Variants in PRUNE2 observed in about 807,000 individuals in gnomAD.
The protein encoded by PRUNE2 is prune homolog 2 with BCH domain, also known as protein prune homolog 2.
PRUNE2 carries 164 observed loss-of-function variants against 252.0 expected under a neutral mutation model. The observed-to-expected ratio is 0.65, with a 90% CI of 0.57 to 0.74. The LOEUF is 0.74. Among genes scored for constraint, PRUNE2 ranks in the 30% least tolerant of loss-of-function variants. PRUNE2 has a pLI of 0.00. For missense variants in PRUNE2, 3,495 were observed against 3,711.0 expected, an observed-to-expected ratio of 0.94 and a Z score of 1.51; for synonymous variants, 1,292 against 1,350.2, an observed-to-expected ratio of 0.96 and a Z score of 0.94.
At chr9:76,895,581 C>A (rs186867641) in intron 1 of PRUNE2, among the ~76,000 whole-genome samples, 6 of 152,164 alleles carry the variant, frequency 3.9e-5, no homozygotes, top group African/African-American at 1.2e-4. Flanking sequence ...GCTTATGCAC[C>A]ACACCTTTCT....
At chr9:76,742,846 A>C (rs2049765699) in intron 6 of PRUNE2, among the ~76,000 whole-genome samples, 1 of 152,340 alleles carries the variant, frequency 6.6e-6, no homozygotes, top group African/African-American at 2.4e-5. Flanking sequence ...AAAGGTCTAG[A>C]GCTGCTAAGG....
In PRUNE2 at chr9:76,789,368, G is replaced by T. The variant is rs374823742; in HGVS notation, c.756+34264C>A. 1.4e-4 allele frequency among the ~76,000 whole-genome samples: 21 copies of T among 152,236 alleles called. No homozygotes were observed. The South Asian group carries it at 2.1e-3, about 15-fold the overall frequency. ...AGGTTTTGACTTGCTGAAGTTTATG[G>T]CACTAGTAGATCATGGAGCCAAGAC... On this transcript the variant is annotated intron_variant, in intron 6 of 18. Transcript: ENST00000376718.
intron 12 of PRUNE2, 112 bp from the exon 13 acceptor site, chr9:76,638,400 T>C: frequency 1.4e-6 from 1 of 697,168 alleles, no homozygotes; most frequent in Non-Finnish European, 2.5e-6. Context: ...GTGGGTATAT[T>C]AGCAGCATGA....
chr9:76,713,641 G>A lies in PRUNE2; in HGVS notation c.837C>T (p.Phe279=). ...DKFGFDVLIL[F]SSYLSEEQQP... is the part of the protein sequence containing the mutation. ...GCTGCTCCTCTGACAGATAGCTGGA[G>A]AACAGGATGAGGACATCAAAACCAA... is the stretch of plus-strand genomic sequence containing the variant. The change falls in exon 7 of 19, where the codon TTC becomes TTT. Residue 279 remains phenylalanine, a synonymous_variant. Coordinates refer to ENST00000376718, the MANE Select transcript of PRUNE2 (RefSeq NM_015225.3). The A allele has an allele frequency of 2.5e-6, 4 of 1,602,114 alleles. No individual in the cohort carries two copies. Among genetic ancestry groups the A allele is most frequent in the Non-Finnish European group, 3.4e-6 (4 of 1,174,110 alleles).
At position 76,707,386 on chromosome 9, in the gene PRUNE2, C is replaced by G; in HGVS notation, c.4888G>C (p.Asp1630His). The part of the protein sequence containing the change: ...TFLEIWNDSV[D>H]GDSFSSLSSP... ...GATAAAGAGGAAAAGGAATCACCAT[C>G]AACTGAGTCATTCCAGATCTCTAAA... The change falls in exon 8 of 19, where the codon GAT becomes CAT. Residue 1630 changes from aspartate to histidine, a missense_variant. Coordinates refer to ENST00000376718, the MANE Select transcript of PRUNE2 (RefSeq NM_015225.3). 1.2e-6 allele frequency: 2 copies of G among 1,613,866 alleles called. No individual in the cohort carries two copies. The highest frequency in any genetic ancestry group is 4.5e-5 in the East Asian group (2 of 44,884).
chr9:76,762,984 T>C (rs1450906513), intron 6 of PRUNE2, among the ~76,000 whole-genome samples: 1 of 152,200 alleles, frequency 6.6e-6, no homozygotes. Context: ...TCCAACCTCA[T>C]TGAATGGTTG....
chr9:76,894,265 AATGAAGG>A (rs1341993359), intron 1 of PRUNE2, among the ~76,000 whole-genome samples: 1 of 152,208 alleles, frequency 6.6e-6, no homozygotes, highest in Admixed American at 6.5e-5. Flanking sequence ...TACTGTAGCC[AATGAAGG>A]ATGAGAGAAT....
intron 6 of PRUNE2, among the ~76,000 whole-genome samples, chr9:76,740,665 T>C (rs926736133): frequency 6.6e-6 from 1 of 152,166 alleles, no homozygotes; most frequent in African/African-American, 2.4e-5. Flanking sequence ...ATGTTTTCCT[T>C]GCTTAAGAAT....
intron 12 of PRUNE2, 34 bp from the exon 13 acceptor site, chr9:76,638,322 T>A (rs201320387): frequency 1.4e-6 from 2 of 1,431,024 alleles, no homozygotes; most frequent in Non-Finnish European, 9.8e-7. Flanking sequence ...TTGTAACCAA[T>A]TGAAAGCTCT....
chr9:76,623,358 G>A (rs989078198), intron 17 of PRUNE2, among the ~76,000 whole-genome samples: 1 of 150,614 alleles, frequency 6.6e-6, no homozygotes, highest in Non-Finnish European at 1.5e-5. Context: ...GCAGTGGCAT[G>A]ATCTCGGCTC....
intron 12 of PRUNE2, among the ~76,000 whole-genome samples, chr9:76,642,705 T>C (rs1396821275): frequency 6.6e-6 from 1 of 152,266 alleles, no homozygotes; most frequent in Non-Finnish European, 1.5e-5. Context: ...TTCATCATTA[T>C]GGTCTAAGAG....
At chr9:76,788,507 C>T (rs776895603) in intron 6 of PRUNE2, 3 of 719,066 alleles carry the variant, frequency 4.2e-6, no homozygotes, top group Admixed American at 2.0e-5. Context: ...AGCCATGTGC[C>T]CTTGGGGAAA....
chr9:76,774,468 T>TATTTA lies in PRUNE2; in HGVS notation c.756+49163_756+49164insTAAAT, dbSNP rs1564272983. 5.5e-5 allele frequency among the ~76,000 whole-genome samples: 8 copies of TATTTA among 144,626 alleles called. 1 individual carries two copies. The highest frequency in any genetic ancestry group is 2.0e-4 in the East Asian group (1 of 5,034). The allele number at this position is 144,626 out of a possible 152,430, so 94.9% of individuals were successfully genotyped here. On this transcript the variant is annotated intron_variant, in intron 6 of 18. Transcript: ENST00000376718. ...TTCAACCCTTTTTTTTTTTTTTTTT[T>TATTTA]TTTTTTTTTGAGATGGAGTCTCACT...
At chr9:76,717,575 TC>T (rs2047261157) in intron 6 of PRUNE2, among the ~76,000 whole-genome samples, 3 of 151,818 alleles carry the variant, frequency 2.0e-5, no homozygotes, top group South Asian at 4.2e-4. Flanking sequence ...TCCAAAATGT[TC>T]CCCCCACTTA....
At chr9:76,846,855 A>T (rs1436423789) in intron 3 of PRUNE2, among the ~76,000 whole-genome samples, 177 bp from the exon 4 acceptor site, 2 of 152,226 alleles carry the variant, frequency 1.3e-5, no homozygotes, top group Non-Finnish European at 2.9e-5. Context: ...CATTTCATTA[A>T]AACTATTTAC....
intron 16 of PRUNE2, among the ~76,000 whole-genome samples, chr9:76,628,532 C>G (rs753091131): frequency 2.0e-5 from 3 of 150,286 alleles, no homozygotes; most frequent in African/African-American, 4.9e-5. Flanking sequence ...ATGCTAAGAC[C>G]GTCTTGTGTC....
intron 15 of PRUNE2, among the ~76,000 whole-genome samples, chr9:76,636,236 A>G (rs1194572935): frequency 6.6e-6 from 1 of 152,160 alleles, no homozygotes; most frequent in Non-Finnish European, 1.5e-5. Context: ...GTTTATAGCA[A>G]GCAATTTAGA....
At chr9:76,671,098 T>C (rs1468211756) in intron 9 of PRUNE2, among the ~76,000 whole-genome samples, 5 of 151,866 alleles carry the variant, frequency 3.3e-5, no homozygotes, top group East Asian at 3.9e-4. Context: ...GACAATCAAA[T>C]TACTCTGAGC....
rs777776174 is a variant in PRUNE2, at chr9:76,711,316, G to C, written c.958C>G (p.Leu320Val). The part of the protein sequence containing the change: ...LEECQNPCLE[L>V]EPFDCGCDEI... Reference sequence around the variant, plus strand: ...TCACAGCCACAGTCAAAGGGCTCCAGTTCTAGGCAAGGGTTCTGACACTCT... The same window carrying C: ...TCACAGCCACAGTCAAAGGGCTCCACTTCTAGGCAAGGGTTCTGACACTCT... Residue 320 changes from leucine (L) to valine (V), a missense_variant, in exon 8 of 19, where the codon CTG becomes GTG. Coordinates refer to ENST00000376718, the MANE Select transcript of PRUNE2 (RefSeq NM_015225.3). The C allele has an allele frequency of 4.3e-6, 7 of 1,613,520 alleles. No homozygotes were observed. The highest frequency in any genetic ancestry group is 5.9e-6 in the Non-Finnish European group (7 of 1,179,800).
Sources: gnomAD v4.1 joint callset for allele counts (sites outside exome capture counted in the v4.1 genomes callset) on GRCh38, gnomAD v4.1.1 for gene constraint, MANE v1.5 for transcripts, NCBI Gene and HGNC (gene_info 2026-07-23, HGNC 2026-07-21) for gene names.